COL18A1: variants seen among roughly 807,000 people sequenced by gnomAD.
COL18A1 encodes collagen alpha-1(XVIII) chain.
Under a neutral mutation model 168.0 loss-of-function variants are expected in COL18A1, and 133 were observed. The ratio of observed to expected loss-of-function variants is 0.79; its 90% CI spans 0.69 to 0.91. COL18A1 has a LOEUF of 0.91. COL18A1 is among the 40% of genes least tolerant of loss of function. COL18A1 has a pLI of 0.00. For synonymous variants in COL18A1, 949 were observed against 809.0 expected (o/e 1.17, Z -2.94); for missense variants, 2,126 against 1,925.4 (o/e 1.10, Z -1.95).
intron 30 of COL18A1, 130 bp from the exon 31 acceptor site, chr21:45,496,920 T>A: frequency 1.4e-6 from 1 of 724,266 alleles, no homozygotes; most frequent in Middle Eastern, 3.4e-4. Context: ...CCCTCCCGTC[T>A]CTGACTGGGG....
intron 2 of COL18A1, chr21:45,424,706 G>T: frequency 6.6e-6 from 1 of 152,512 alleles, no homozygotes; most frequent in Non-Finnish European, 1.5e-5. Context: ...CAGCTTGGAA[G>T]CTCCTGAAAA....
chr21:45,418,764 C>CCCAGCCACCTCCCGT, intron 2 of COL18A1, among the ~76,000 whole-genome samples: 1 of 152,000 alleles, frequency 6.6e-6, no homozygotes. Flanking sequence ...TCAGGGGCCT[C>CCCAGCCACCTCCCGT]CAAGGCTGTC....
At chr21:45,504,107 TGGGTGGCTGCTCCCAA>T (rs2037036245) in intron 33 of COL18A1, 53 bp downstream of exon 33, 10 of 1,586,396 alleles carry the variant, frequency 6.3e-6, no homozygotes, top group Non-Finnish European at 8.7e-6. Context: ...TACATCCCGC[TGGGTGGCTGCTCCCAA>T]TTTCTCGCCC....
intron 3 of COL18A1, among the ~76,000 whole-genome samples, chr21:45,472,794 A>G (rs2035490818): frequency 7.0e-6 from 1 of 143,390 alleles, no homozygotes; most frequent in Non-Finnish European, 1.5e-5. Context: ...GGGGGCCCAC[A>G]GGGTCCACAC....
chr21:45,467,309 C>A, intron 2 of COL18A1: 1 of 985,430 alleles, frequency 1.0e-6, no homozygotes, highest in South Asian at 4.7e-5. Flanking sequence ...GCTACTGAGT[C>A]GAAGTGAAGT....
At chr21:45,504,219 G>A (rs868489668) in intron 33 of COL18A1, 165 bp downstream of exon 33, 2 of 937,950 alleles carry the variant, frequency 2.1e-6, no homozygotes, top group Admixed American at 2.1e-5. Flanking sequence ...GGATGTTCCT[G>A]TCCCCGGCTC....
intron 2 of COL18A1, among the ~76,000 whole-genome samples, chr21:45,445,837 T>C (rs2034492029): frequency 6.6e-6 from 1 of 152,242 alleles, no homozygotes; most frequent in African/African-American, 2.4e-5. Flanking sequence ...TTACATCATC[T>C]AGATAGAAGT....
chr21:45,435,285 A>G (rs1465762513), intron 2 of COL18A1, among the ~76,000 whole-genome samples: 2 of 52,254 alleles, frequency 3.8e-5, no homozygotes, highest in African/African-American at 1.8e-4. Flanking sequence ...GGAGGGAGGA[A>G]GGAAGAGGAG....
rs1425814235 is a variant in COL18A1 at position 45,457,649 on chromosome 21, A to T, written c.107-10593A>T. Among the ~76,000 whole-genome samples the T allele has an allele frequency of 6.6e-6, 1 of 152,138 alleles. No individual in the cohort carries two copies. The highest frequency in any genetic ancestry group is 2.4e-5 in the African/African-American group (1 of 41,414). On this transcript the variant is annotated intron_variant, in intron 2 of 41. Coordinates refer to ENST00000651438, the MANE Select transcript of COL18A1 (RefSeq NM_001379500.1). This position sits in a 1 kb window ranked among gnomAD's most constrained non-coding sequence, Gnocchi z 4.6. ...ATCCCTCCTCTGTGTCCGGGAGTAG[A>T]CGGGGCCCCTGAGCTGTGCCTGCCC...
intron 3 of COL18A1, among the ~76,000 whole-genome samples, chr21:45,472,266 C>T (rs1276546113): frequency 3.3e-5 from 5 of 151,846 alleles, no homozygotes; most frequent in Admixed American, 6.6e-5. Context: ...CTCTGTCGCC[C>T]AGGCTGGAGT....
intron 2 of COL18A1, among the ~76,000 whole-genome samples, chr21:45,459,079 C>T (rs1349115047): frequency 6.6e-6 from 1 of 152,228 alleles, no homozygotes; most frequent in African/African-American, 2.4e-5. Context: ...TGGGGGACTC[C>T]ATCAGCGTTC....
rs1602506441 is a variant in COL18A1, at chr21:45,482,802, C to T, written c.1682C>T (p.Ala561Val). The change falls in exon 15 of 42, where the codon GCA becomes GTA. Residue 561 changes from alanine to valine, a missense_variant. Physicochemically the swap from Ala to Val is moderately conservative, Grantham distance 64. Transcript: ENST00000651438. Reference protein sequence around the residue: ...RTGQKGSLGEAGAPGHKGSKG... With the variant: ...RTGQKGSLGEVGAPGHKGSKG... ...CTGCTCTTTTCCGTACAGGGTGAAG[C>T]AGGCGCCCCAGGACATAAGGTACAA... is the stretch of plus-strand genomic sequence containing the variant. 3 of 1,614,200 alleles carry T rather than the reference C, an allele frequency of 1.9e-6. No individual in the cohort carries two copies. Among genetic ancestry groups the T allele is most frequent in the African/African-American group, 1.3e-5 (1 of 75,052 alleles).
chr21:45,512,292 C>A lies in COL18A1; in HGVS notation c.3914C>A (p.Ala1305Asp). The A allele has an allele frequency of 1.2e-6, 2 of 1,612,220 alleles. No individual in the cohort carries two copies. The highest frequency in any genetic ancestry group is 1.7e-6 in the Non-Finnish European group (2 of 1,179,720). The change falls in exon 42 of 42, where the codon GCC (alanine) becomes GAC (aspartate). Residue 1305 changes from alanine to aspartate, a missense_variant. Ala to Asp is a moderately radical substitution (Grantham distance 126, BLOSUM62 -2). Transcript: ENST00000651438. ...GAGGCTCCCTCGGCCACGGGCCAGG[C>A]CTCCTCGCTGCTGGGGGGCAGGCTC... The part of the protein sequence containing the change: ...RTEAPSATGQ[A>D]SSLLGGRLLG...
chr21:45,465,629 C>T (rs2035173880), intron 2 of COL18A1, among the ~76,000 whole-genome samples: 1 of 152,158 alleles, frequency 6.6e-6, no homozygotes, highest in Non-Finnish European at 1.5e-5. Flanking sequence ...GCACGAGCGG[C>T]CCTGGCTCTG....
At chr21:45,437,210 GCACACACA>G (rs368081758) in intron 2 of COL18A1, among the ~76,000 whole-genome samples, 3 of 83,658 alleles carry the variant, frequency 3.6e-5, no homozygotes, top group African/African-American at 2.0e-4. Context: ...GCACTCTCCT[GCACACACA>G]CACACAGACA....
chr21:45,509,329 G>C, intron 38 of COL18A1, 27 bp from the exon 39 acceptor site: 1 of 1,541,270 alleles, frequency 6.5e-7, no homozygotes, highest in Non-Finnish European at 8.7e-7. Flanking sequence ...TCCCCCCGCC[G>C]ACAGGCCCCA....
chr21:45,499,342 G>A (rs139163741), intron 32 of COL18A1, among the ~76,000 whole-genome samples: 132 of 152,382 alleles, frequency 8.7e-4, no homozygotes, highest in African/African-American at 3.1e-3. Context: ...GCAGGAACCG[G>A]CGTCCCAGCG....
intron 18 of COL18A1, 59 bp from the exon 19 acceptor site, chr21:45,489,427 G>T: frequency 7.6e-7 from 1 of 1,314,776 alleles, no homozygotes. Flanking sequence ...CGGGGTGGAC[G>T]CTGCCTGAGG....
rs1028661496 is a variant in COL18A1 at position 45,405,882 on chromosome 21, G to A, written c.106+409G>A. Among the ~76,000 whole-genome samples the A allele has an allele frequency of 7.2e-5, 11 of 151,986 alleles. 1 individual carries two copies. The highest frequency in any genetic ancestry group is 3.3e-4 in the Admixed American group (5 of 15,280). Reference sequence around the variant, plus strand: ...CGCGGGCGGAAGGCGGCGGAGCGCGGGGCGTCGTCTCCGCGTTTCCAACCT... The same window carrying A: ...CGCGGGCGGAAGGCGGCGGAGCGCGAGGCGTCGTCTCCGCGTTTCCAACCT... On this transcript the variant is annotated intron_variant, in intron 2 of 41. Coordinates refer to ENST00000651438, the MANE Select transcript of COL18A1 (RefSeq NM_001379500.1).
Sources: gnomAD v4.1 joint callset for allele counts (sites outside exome capture counted in the v4.1 genomes callset) on GRCh38, gnomAD v4.1.1 for gene constraint, Gnocchi (gnomAD v3.1) non-coding constraint, MANE v1.5 for transcripts, NCBI Gene and HGNC (gene_info 2026-07-23, HGNC 2026-07-21) for gene names.